Variants in LMBRD1 observed in about 807,000 individuals in gnomAD.
LMBRD1 encodes LMBR1 domain containing 1.
In LMBRD1, 64 loss-of-function variants were observed where a neutral mutation model predicts 74.8. The observed-to-expected ratio is 0.86, with a 90% CI of 0.70 to 1.05. LMBRD1 has a LOEUF of 1.05. Ranked by LOEUF, LMBRD1 falls within the 50% of genes least tolerant of loss-of-function variation. The probability of loss-of-function intolerance (pLI) is 0.00; values close to 1 mark genes in which losing one functional copy is unlikely to be tolerated. For synonymous variants in LMBRD1, 204 were observed against 216.3 expected, an observed-to-expected ratio of 0.94 and a Z score of 0.50; for missense variants, 652 against 645.9, an observed-to-expected ratio of 1.01 and a Z score of -0.10.
intron 9 of LMBRD1, among the ~76,000 whole-genome samples, chr6:69,702,291 AC>A (rs1766150799): frequency 6.6e-6 from 1 of 151,478 alleles, no homozygotes; most frequent in African/African-American, 2.4e-5. Flanking sequence ...ACACAGACAC[AC>A]ACACACACAC....
intron 14 of LMBRD1, among the ~76,000 whole-genome samples, chr6:69,695,016 C>T (rs1337862764): frequency 6.6e-6 from 1 of 152,098 alleles, no homozygotes; most frequent in African/African-American, 2.4e-5. Flanking sequence ...CACTTCTTGC[C>T]TACCCTCAGA....
intron 3 of LMBRD1, among the ~76,000 whole-genome samples, chr6:69,772,501 A>T (rs1293503593): frequency 6.6e-6 from 1 of 152,148 alleles, no homozygotes; most frequent in Non-Finnish European, 1.5e-5. Context: ...AGTCCAAGAG[A>T]TCACTTGCTT....
intron 14 of LMBRD1, among the ~76,000 whole-genome samples, chr6:69,694,207 A>T (rs113029151): frequency 1.7e-3 from 258 of 152,258 alleles, no homozygotes; most frequent in African/African-American, 4.5e-3. Context: ...AGGCCCCGTT[A>T]TCAGTTCAAC....
intron 3 of LMBRD1, among the ~76,000 whole-genome samples, chr6:69,778,945 C>A (rs755424424): frequency 6.6e-6 from 1 of 152,014 alleles, no homozygotes; most frequent in Non-Finnish European, 1.5e-5. Flanking sequence ...CCCAGCACTT[C>A]GGAAGGCCAG....
At chr6:69,729,128 A>G (rs1766797592) in intron 7 of LMBRD1, among the ~76,000 whole-genome samples, 1 of 151,024 alleles carries the variant, frequency 6.6e-6, no homozygotes, top group Non-Finnish European at 1.5e-5. Context: ...TGAATTGTTC[A>G]TAGTTCTTAA....
chr6:69,791,731 A>G (rs757350209), intron 1 of LMBRD1, among the ~76,000 whole-genome samples: 33 of 152,322 alleles, frequency 2.2e-4, no homozygotes, highest in African/African-American at 7.9e-4. Context: ...GAACAATTCC[A>G]TCATCTCAGA....
intron 14 of LMBRD1, among the ~76,000 whole-genome samples, chr6:69,685,836 T>C (rs1765752685): frequency 6.6e-6 from 1 of 151,864 alleles, no homozygotes; most frequent in Non-Finnish European, 1.5e-5. Flanking sequence ...ACACACAACT[T>C]TGCAATCTCG....
At chr6:69,790,261 A>T in intron 2 of LMBRD1, 35 bp downstream of exon 2, 3 of 1,483,898 alleles carry the variant, frequency 2.0e-6, no homozygotes, top group Non-Finnish European at 2.8e-6. Context: ...GAAATTTGAA[A>T]GGAAAAAAAA....
At chr6:69,780,959 G>A (rs753273150) in intron 2 of LMBRD1, among the ~76,000 whole-genome samples, 2 of 152,142 alleles carry the variant, frequency 1.3e-5, no homozygotes, top group African/African-American at 2.4e-5. Flanking sequence ...TTTTGGAAAG[G>A]TAAGAGAAAC....
At chr6:69,712,456 G>A (rs549156656) in intron 9 of LMBRD1, among the ~76,000 whole-genome samples, 14 of 149,348 alleles carry the variant, frequency 9.4e-5, no homozygotes, top group Non-Finnish European at 1.6e-4. Context: ...TTTTTTTAAA[G>A]TCATTTTGTT....
chr6:69,749,332 A>T lies in LMBRD1; in HGVS notation c.473+9T>A. ...TTTCATGGTTTAAAAAAAAAAAATC[A>T]AGACTTACCCAACTAAAAGAAGCAG... On this transcript the variant is annotated intron_variant, in intron 5 of 15. Coordinates refer to ENST00000649934, the MANE Select transcript of LMBRD1 (RefSeq NM_018368.4). 6.3e-7 allele frequency: 1 copy of T among 1,598,304 alleles called. No individual in the cohort carries two copies. Among genetic ancestry groups the T allele is most frequent in the South Asian group, 1.1e-5 (1 of 87,920 alleles).
In LMBRD1 at chr6:69,674,928, G is replaced by A. The variant is rs1056572891; in HGVS notation, c.*1230C>T. On this transcript the variant is annotated 3_prime_UTR_variant, in exon 16 of 16. Transcript: ENST00000649934. ...GGGGAGGTTGCAGTGAGCTGAGATC[G>A]TGCCATTGCACTCCAGCCTGGGCGA... Among the ~76,000 whole-genome samples, 5 of 152,012 alleles carry A rather than the reference G, an allele frequency of 3.3e-5. No homozygotes were observed. Among genetic ancestry groups the A allele is most frequent in the South Asian group, 2.1e-4 (1 of 4,820 alleles).
intron 3 of LMBRD1, among the ~76,000 whole-genome samples, chr6:69,776,655 C>A (rs978206203): frequency 6.6e-6 from 1 of 152,166 alleles, no homozygotes; most frequent in Non-Finnish European, 1.5e-5. Context: ...TGCTTAGCCG[C>A]CTTATCCCTC....
At chr6:69,771,628 AG>A (rs1765578718) in intron 3 of LMBRD1, among the ~76,000 whole-genome samples, 1 of 152,160 alleles carries the variant, frequency 6.6e-6, no homozygotes, top group African/African-American at 2.4e-5. Context: ...ATGAGAACAA[AG>A]AAGTTTGTGG....
At chr6:69,741,701 T>G in intron 6 of LMBRD1, 88 bp downstream of exon 6, 1 of 850,294 alleles carries the variant, frequency 1.2e-6, no homozygotes. Context: ...GGTTAAATTC[T>G]TAACAAAATA....
intron 3 of LMBRD1, among the ~76,000 whole-genome samples, chr6:69,774,104 G>A (rs6932605): frequency 0.016 from 2,459 of 152,242 alleles, 54 homozygotes; most frequent in African/African-American, 0.055. Flanking sequence ...TCATGGGAGG[G>A]ACCCAGTGGA....
chr6:69,797,010 T>C lies in LMBRD1; in HGVS notation c.-129A>G, dbSNP rs376651568. The C allele has an allele frequency of 2.5e-6, 2 of 810,084 alleles. No individual in the cohort carries two copies. Among genetic ancestry groups the C allele is most frequent in the South Asian group, 1.5e-5 (1 of 65,016 alleles). The allele number at this position is 810,084 out of a possible 1,614,324, so 50.2% of individuals were successfully genotyped here. ...AAAGGGGCGGAGGGGGAGGAGCAAGTGGTTGCCAAGGAGACTGGACCCACT... is the reference window on the plus strand; with the variant it reads ...AAAGGGGCGGAGGGGGAGGAGCAAGCGGTTGCCAAGGAGACTGGACCCACT... On this transcript the variant is annotated 5_prime_UTR_variant, in exon 1 of 16. Coordinates refer to ENST00000649934, the MANE Select transcript of LMBRD1 (RefSeq NM_018368.4).
intron 14 of LMBRD1, among the ~76,000 whole-genome samples, chr6:69,678,512 TAA>T (rs1765594017): frequency 6.6e-6 from 1 of 152,154 alleles, no homozygotes; most frequent in South Asian, 2.1e-4. Context: ...TAATTGAGTG[TAA>T]AATTATATAT....
At position 69,700,229 on chromosome 6, in the gene LMBRD1, T is replaced by C. The variant is rs191873345; in HGVS notation, c.1188+536A>G. On this transcript the variant is annotated intron_variant, in intron 12 of 15. Transcript: ENST00000649934. ...CTTTTACCCACAGCTGGAAGTAGTG[T>C]CTACCTGATACAGCTTCATTTTAAA... 1.5e-3 allele frequency among the ~76,000 whole-genome samples: 227 copies of C among 151,990 alleles called. 1 individual carries two copies. The highest frequency in any genetic ancestry group is 2.4e-3 in the Non-Finnish European group (165 of 67,810).
Sources: allele counts gnomAD v4.1 joint callset (sites outside exome capture counted in the v4.1 genomes callset), GRCh38; gene constraint gnomAD v4.1.1; transcripts MANE v1.5; gene names NCBI Gene and HGNC (gene_info 2026-07-23, HGNC 2026-07-21).